The following XRCC5 variants were observed in gnomAD, a reference collection of about 807,000 sequenced individuals.
XRCC5 encodes X-ray repair cross complementing 5, also known as DNA repair protein Ku80.
XRCC5 carries 12 observed loss-of-function variants against 95.7 expected under a neutral mutation model. That is an observed-to-expected ratio of 0.13 (90% CI 0.08 to 0.20). XRCC5 has a LOEUF of 0.20. Among genes scored for constraint, XRCC5 ranks in the 10% least tolerant of loss-of-function variants. The pLI, the probability that XRCC5 is intolerant of heterozygous loss-of-function variation, is 1.00. For synonymous variants in XRCC5, 281 were observed against 290.3 expected (o/e 0.97, Z 0.33); for missense variants, 595 against 873.9 (o/e 0.68, Z 4.02).
At chr2:216,155,412 C>T (rs1321568478) in intron 14 of XRCC5, among the ~76,000 whole-genome samples, 2 of 151,974 alleles carry the variant, frequency 1.3e-5, no homozygotes, top group East Asian at 3.9e-4. Context: ...GATCTTCAAT[C>T]TCAATTAGTA....
At chr2:216,116,573 G>T in intron 2 of XRCC5, 86 bp from the exon 3 acceptor site, 1 of 1,515,908 alleles carries the variant, frequency 6.6e-7, no homozygotes. Flanking sequence ...AGGGAGGTCT[G>T]GTTGTCCTGC....
chr2:216,192,445 C>T (rs144776008), intron 17 of XRCC5, among the ~76,000 whole-genome samples, 194 bp from the exon 18 acceptor site: 172 of 152,344 alleles, frequency 1.1e-3, no homozygotes, highest in Non-Finnish European at 2.3e-3. Context: ...GTGCCTTCCA[C>T]AGATGGAAGG....
At chr2:216,164,543 G>A (rs1359946728) in intron 16 of XRCC5, among the ~76,000 whole-genome samples, 9 of 152,234 alleles carry the variant, frequency 5.9e-5, no homozygotes, top group African/African-American at 2.2e-4. Context: ...TTTGATAAGT[G>A]CTTAGGGTAG....
chr2:216,141,795 G>A (rs1434062042), intron 13 of XRCC5, among the ~76,000 whole-genome samples: 1 of 152,062 alleles, frequency 6.6e-6, no homozygotes, highest in African/African-American at 2.4e-5. Context: ...GTTCATGCCT[G>A]TAATCCCAGC....
At chr2:216,132,525 C>T in intron 10 of XRCC5, 138 bp downstream of exon 10, 2 of 836,020 alleles carry the variant, frequency 2.4e-6, no homozygotes, top group South Asian at 1.5e-5. Context: ...TGATGTTTAA[C>T]TGAAAATGGA....
rs944483655 is a variant in XRCC5, at chr2:216,114,878, C to T, written c.135+1749C>T. Among the ~76,000 whole-genome samples the T allele has an allele frequency of 2.4e-4, 36 of 152,170 alleles. 1 individual carries two copies. The highest frequency in any genetic ancestry group is 6.5e-4 in the African/African-American group (27 of 41,440). ...ACTGAGCATGCGCATGACTAGTAAC[C>T]ACACTACGCATGCGGCCCCCTCTTA... On this transcript the variant is annotated intron_variant, in intron 2 of 20. Coordinates refer to ENST00000392132, the MANE Select transcript of XRCC5 (RefSeq NM_021141.4).
intron 16 of XRCC5, among the ~76,000 whole-genome samples, chr2:216,187,466 C>CTG (rs140171958): frequency 0.09 from 9,922 of 110,646 alleles, 496 homozygotes; most frequent in East Asian, 0.22. Context: ...AAGATAGCAA[C>CTG]TGTGTGTGTG....
At chr2:216,182,154 G>A (rs1344844562) in intron 16 of XRCC5, among the ~76,000 whole-genome samples, 2 of 152,118 alleles carry the variant, frequency 1.3e-5, no homozygotes, top group African/African-American at 4.8e-5. Context: ...TTCAACAATG[G>A]CTGCCTGTTT....
intron 19 of XRCC5, among the ~76,000 whole-genome samples, chr2:216,200,137 G>T (rs556854505): frequency 6.6e-6 from 1 of 152,006 alleles, no homozygotes; most frequent in South Asian, 2.1e-4. Context: ...CCAGATGCCC[G>T]CTGTAGTCGC....
rs1689074356 is a variant in XRCC5 at position 216,167,569 on chromosome 2, T to TG, written c.1834+5521_1834+5522insG. Among the ~76,000 whole-genome samples, 10 of 107,776 alleles carry TG rather than the reference T, an allele frequency of 9.3e-5. No individual in the cohort carries two copies. In the South Asian group the frequency reaches 1.5e-3, roughly 16 times the overall value. 70.7% of individuals were successfully genotyped at this position (107,776 alleles called of 152,430 possible). A position where few individuals can be genotyped will look rare whatever the true frequency, so the allele number is the denominator to read the frequency against. On this transcript the variant is annotated intron_variant, in intron 16 of 20. Coordinates refer to ENST00000392132, the MANE Select transcript of XRCC5 (RefSeq NM_021141.4). Reference sequence around the variant, plus strand: ...AATCTCTCTCGTGTGTGTGTGTGGGTTTGTGTGTGTGTGTGTGTGTGTGTG... The same window carrying TG: ...AATCTCTCTCGTGTGTGTGTGTGGGTGTTGTGTGTGTGTGTGTGTGTGTGTG...
At chr2:216,148,027 T>C in intron 13 of XRCC5, 56 bp from the exon 14 acceptor site, 3 of 1,543,472 alleles carry the variant, frequency 1.9e-6, no homozygotes, top group East Asian at 4.6e-5. Context: ...TCAGAAAATA[T>C]AAAGAAGCCA....
chr2:216,171,730 G>T (rs1689169538), intron 16 of XRCC5, among the ~76,000 whole-genome samples: 1 of 152,034 alleles, frequency 6.6e-6, no homozygotes, highest in South Asian at 2.1e-4. Context: ...GTTTTCTTGG[G>T]GCATTGAGAG....
At chr2:216,199,833 T>TTTC (rs1689803183) in intron 19 of XRCC5, among the ~76,000 whole-genome samples, 2 of 143,766 alleles carry the variant, frequency 1.4e-5, no homozygotes, top group East Asian at 4.0e-4. Flanking sequence ...TTTTTTTTTT[T>TTTC]TACCAGATTC....
rs1696877280 is a variant in XRCC5 at position 216,124,790 on chromosome 2, A to G, written c.684-1127A>G. The stretch of plus-strand genomic sequence containing the variant: ...AGTCTGGACTGTATGCTTTGAGTGT[A>G]TTTTGTCATTAATTTCTTTGCTGCT... On this transcript the variant is annotated intron_variant, in intron 6 of 20. Coordinates refer to ENST00000392132, the MANE Select transcript of XRCC5 (RefSeq NM_021141.4). Among the ~76,000 whole-genome samples, 3 of 152,156 alleles carry G rather than the reference A, an allele frequency of 2.0e-5. No homozygotes were observed. The South Asian group carries it at 6.2e-4, about 31-fold the overall frequency.
intron 16 of XRCC5, among the ~76,000 whole-genome samples, chr2:216,174,151 T>TTTTG (rs138201442): frequency 0.14 from 21,457 of 152,186 alleles, 1,597 homozygotes; most frequent in African/African-American, 0.19. Context: ...TGTGGGGAGC[T>TTTTG]TTTGTTTTGT....
intron 10 of XRCC5, 98 bp from the exon 11 acceptor site, chr2:216,136,990 A>T: frequency 7.1e-7 from 1 of 1,414,102 alleles, no homozygotes; most frequent in Non-Finnish European, 9.4e-7. Context: ...AAAAAATGTA[A>T]AATAGAAAGA....
intron 4 of XRCC5, among the ~76,000 whole-genome samples, chr2:216,118,406 G>T (rs1574451835): frequency 6.6e-6 from 1 of 152,192 alleles, no homozygotes. Flanking sequence ...CAGACTCTTG[G>T]CTTCAAGCAG....
chr2:216,156,763 C>A lies in XRCC5; in HGVS notation c.1671-3305C>A, dbSNP rs2106024537. 12 of 531,756 alleles carry A rather than the reference C, an allele frequency of 2.3e-5. 1 individual carries two copies. The highest frequency in any genetic ancestry group is 1.7e-4 in the South Asian group (12 of 72,220). 32.9% of individuals were successfully genotyped at this position (531,756 alleles called of 1,614,324 possible). A position where few individuals can be genotyped will look rare whatever the true frequency, so the allele number is the denominator to read the frequency against. On this transcript the variant is annotated intron_variant, in intron 14 of 20. Coordinates refer to ENST00000392132, the MANE Select transcript of XRCC5 (RefSeq NM_021141.4). ...GGATTTTGCCGCTGCTCCATTGGAA[C>A]AAAGTCTATGTCCATGAGAGTAACC... is the stretch of plus-strand genomic sequence containing the variant.
intron 6 of XRCC5, among the ~76,000 whole-genome samples, chr2:216,124,519 A>G (rs371971422): frequency 3.0e-4 from 45 of 152,224 alleles, no homozygotes; most frequent in African/African-American, 1.1e-3. Flanking sequence ...TTGACTAGTA[A>G]TGTTGTATGA....
Sources: gnomAD v4.1 joint callset for allele counts (sites outside exome capture counted in the v4.1 genomes callset) on GRCh38, gnomAD v4.1.1 for gene constraint, MANE v1.5 for transcripts, NCBI Gene and HGNC (gene_info 2026-07-23, HGNC 2026-07-21) for gene names.